Variants in SAMD4A observed in about 807,000 individuals in gnomAD.
SAMD4A encodes sterile alpha motif domain containing 4A.
Under a neutral mutation model 81.3 loss-of-function variants are expected in SAMD4A, and 33 were observed. The ratio of observed to expected loss-of-function variants is 0.41; its 90% CI spans 0.31 to 0.54. The LOEUF (loss-of-function observed/expected upper bound fraction) is 0.54, where lower values mean the gene tolerates loss of function less well. Ranked by LOEUF, SAMD4A falls within the 20% of genes least tolerant of loss-of-function variation. The pLI is 0.37. For missense variants in SAMD4A, 854 were observed against 951.1 expected (o/e 0.90, Z 1.34); for synonymous variants, 389 against 382.1 (o/e 1.02, Z -0.21).
chr14:54,642,018 G>C (rs934180177), intron 2 of SAMD4A, among the ~76,000 whole-genome samples: 4 of 152,136 alleles, frequency 2.6e-5, no homozygotes, highest in Non-Finnish European at 5.9e-5. Context: ...GGCTGGTCTT[G>C]AACTCCTGAC....
chr14:54,788,377 T>C (rs2039193456), intron 12 of SAMD4A, among the ~76,000 whole-genome samples: 1 of 152,164 alleles, frequency 6.6e-6, no homozygotes, highest in Non-Finnish European at 1.5e-5. Flanking sequence ...TCTCCTCTAC[T>C]GCATTCCCCA....
chr14:54,577,783 C>CG (rs559256471), intron 2 of SAMD4A, among the ~76,000 whole-genome samples: 181 of 152,012 alleles, frequency 1.2e-3, no homozygotes, highest in Non-Finnish European at 1.9e-3. Flanking sequence ...GACAGAATGG[C>CG]GGGGGGGCAC....
At position 54,731,619 on chromosome 14, in the gene SAMD4A, T is replaced by C. The variant is rs190471995; in HGVS notation, c.716-5405T>C. Among the ~76,000 whole-genome samples, 9 of 152,372 alleles carry C rather than the reference T, an allele frequency of 5.9e-5. No homozygotes were observed. The East Asian group carries it at 1.7e-3, about 29-fold the overall frequency. ...TAGCTATTTGGATTGAATTATATCA[T>C]GTGAGCATCTTGAAATTTGAAAATT... On this transcript the variant is annotated intron_variant, in intron 3 of 12. Coordinates refer to ENST00000554335, the MANE Select transcript of SAMD4A (RefSeq NM_015589.6).
At chr14:54,751,835 C>T (rs541621101) in intron 6 of SAMD4A, among the ~76,000 whole-genome samples, 1 of 152,270 alleles carries the variant, frequency 6.6e-6, no homozygotes, top group African/African-American at 2.4e-5. Context: ...GTCTCTGCCT[C>T]GTATACATTT....
At chr14:54,696,209 C>T (rs933885477) in intron 2 of SAMD4A, among the ~76,000 whole-genome samples, 14 of 152,146 alleles carry the variant, frequency 9.2e-5, no homozygotes, top group African/African-American at 3.4e-4. Flanking sequence ...AAGAATCCCA[C>T]CATTTGCCAT....
Position 54,624,787 on chromosome 14 carries a change from T to G in SAMD4A, c.196+56675T>G, listed in dbSNP as rs28465365. ...CCTGGGGAGAAGAGATTTTTTTTTT[T>G]GTTGTTTGGAGGTAAGTGGCCATAA... is the stretch of plus-strand genomic sequence containing the variant. On this transcript the variant is annotated intron_variant, in intron 2 of 12. Transcript: ENST00000554335. 4.2e-3 allele frequency among the ~76,000 whole-genome samples: 638 copies of G among 151,954 alleles called. 6 individuals are homozygous for G. The highest frequency in any genetic ancestry group is 0.014 in the African/African-American group (595 of 41,450).
intron 8 of SAMD4A, among the ~76,000 whole-genome samples, chr14:54,767,188 G>A (rs950150173): frequency 1.3e-5 from 2 of 152,216 alleles, no homozygotes; most frequent in Non-Finnish European, 2.9e-5. Context: ...CGGTTATTCT[G>A]TGTGGGTAGA....
intron 2 of SAMD4A, among the ~76,000 whole-genome samples, chr14:54,583,777 G>C (rs1440814543): frequency 6.6e-6 from 1 of 152,220 alleles, no homozygotes; most frequent in Non-Finnish European, 1.5e-5. Context: ...AGGAGGTTAA[G>C]GAGGTTATTT....
chr14:54,669,484 G>A (rs971770256), intron 2 of SAMD4A, among the ~76,000 whole-genome samples: 1 of 120,880 alleles, frequency 8.3e-6, no homozygotes, highest in African/African-American at 3.2e-5. Context: ...AGACAGGATC[G>A]CACTCTGTTG....
chr14:54,706,046 G>GA (rs2036842856), intron 3 of SAMD4A, among the ~76,000 whole-genome samples: 1 of 152,010 alleles, frequency 6.6e-6, no homozygotes, highest in African/African-American at 2.4e-5. Context: ...TTGTGAACTG[G>GA]AGGGTCAAGA....
At position 54,626,055 on chromosome 14, in the gene SAMD4A, TGTGTGCGCGCGCGCGCGC is replaced by T. The variant is rs746340469; in HGVS notation, c.196+57945_196+57962del. On this transcript the variant is annotated intron_variant, in intron 2 of 12. Transcript: ENST00000554335. ...GTGTGTGTGTGTGTGTGTGTGTGTG[TGTGTGCGCGCGCGCGCGC>T]GCGAGTGCGCACATGTGCATGCATG... is the stretch of plus-strand genomic sequence containing the variant. 6.4e-3 allele frequency among the ~76,000 whole-genome samples: 689 copies of T among 108,298 alleles called. 3 individuals carry two copies. Among genetic ancestry groups the T allele is most frequent in the Middle Eastern group, 0.039 (8 of 206 alleles). The allele number at this position is 108,298 out of a possible 152,430, so 71.0% of individuals were successfully genotyped here. A position where few individuals can be genotyped will look rare whatever the true frequency, so the allele number is the denominator to read the frequency against.
chr14:54,626,231 T>A (rs920745732), intron 2 of SAMD4A, among the ~76,000 whole-genome samples: 1 of 152,188 alleles, frequency 6.6e-6, no homozygotes, highest in Non-Finnish European at 1.5e-5. Flanking sequence ...AAATGTTAGA[T>A]GTTAGACTTT....
chr14:54,777,674 TG>T (rs897000805), intron 11 of SAMD4A, among the ~76,000 whole-genome samples: 23 of 138,866 alleles, frequency 1.7e-4, no homozygotes, highest in Admixed American at 2.2e-4. Context: ...GATGATGGGG[TG>T]GGGGGGTAGG....
chr14:54,774,627 C>A (rs150370463), intron 9 of SAMD4A, among the ~76,000 whole-genome samples: 2 of 146,672 alleles, frequency 1.4e-5, no homozygotes, highest in Admixed American at 1.4e-4. Flanking sequence ...CCAGCCTGGG[C>A]GACATAGTGA....
At chr14:54,670,751 G>A (rs1056312408) in intron 2 of SAMD4A, among the ~76,000 whole-genome samples, 10 of 152,194 alleles carry the variant, frequency 6.6e-5, no homozygotes, top group Non-Finnish European at 1.3e-4. Flanking sequence ...TGTATGTGGA[G>A]GGAACAGAGG....
intron 11 of SAMD4A, among the ~76,000 whole-genome samples, chr14:54,783,120 A>G (rs1351478710): frequency 1.3e-5 from 2 of 150,366 alleles, no homozygotes; most frequent in Non-Finnish European, 3.0e-5. Context: ...TCCCCTTAGG[A>G]TTTTGCAATT....
At chr14:54,668,306 A>G (rs904214252) in intron 2 of SAMD4A, among the ~76,000 whole-genome samples, 1 of 152,152 alleles carries the variant, frequency 6.6e-6, no homozygotes, top group Non-Finnish European at 1.5e-5. Flanking sequence ...TGGGTCTCTG[A>G]TGCCTTCTAG....
chr14:54,697,903 A>G (rs2036615479), intron 2 of SAMD4A, among the ~76,000 whole-genome samples: 1 of 152,186 alleles, frequency 6.6e-6, no homozygotes, highest in Admixed American at 6.5e-5. Context: ...GTTCCTCACT[A>G]CAAGGACCTC....
At chr14:54,665,539 A>G (rs1219825614) in intron 2 of SAMD4A, among the ~76,000 whole-genome samples, 1 of 152,224 alleles carries the variant, frequency 6.6e-6, no homozygotes, top group East Asian at 1.9e-4. Context: ...TCTGGACAAT[A>G]CCACAATTTA....
Sources: allele counts gnomAD v4.1 joint callset (sites outside exome capture counted in the v4.1 genomes callset), GRCh38; gene constraint gnomAD v4.1.1; transcripts MANE v1.5; gene names NCBI Gene and HGNC (gene_info 2026-07-23, HGNC 2026-07-21).